Variants in ZNF516 observed in about 807,000 individuals in gnomAD.
ZNF516 encodes zinc finger protein 516.
ZNF516 carries 19 observed loss-of-function variants against 79.7 expected under a neutral mutation model. The ratio of observed to expected loss-of-function variants is 0.24; its 90% confidence interval spans 0.17 to 0.35. The LOEUF is 0.35. ZNF516 is among the 10% of genes least tolerant of loss of function. The pLI, the probability that ZNF516 is intolerant of heterozygous loss-of-function variation, is 1.00. For synonymous variants in ZNF516, 877 were observed against 739.5 expected, an observed-to-expected ratio of 1.19 and a Z score of -3.02; for missense variants, 1,678 against 1,679.5, an observed-to-expected ratio of 1.00 and a Z score of 0.02.
rs538476788 is a variant in ZNF516 at position 76,473,662 on chromosome 18, T to G, written c.-271-10521A>C. ...TAAAAATACAAAAAATTATCCAGGC[T>G]TGGTGGTGGGCGCCTGTAGTCCCAG... On this transcript the variant is annotated intron_variant, in intron 1 of 6. Transcript: ENST00000443185. 8.4e-3 allele frequency among the ~76,000 whole-genome samples: 1,271 copies of G among 151,822 alleles called. 8 individuals carry two copies. Among genetic ancestry groups the G allele is most frequent in the Middle Eastern group, 0.027 (8 of 294 alleles).
chr18:76,412,117 T>C (rs1295100831), intron 3 of ZNF516, among the ~76,000 whole-genome samples: 3 of 152,150 alleles, frequency 2.0e-5, no homozygotes, highest in Non-Finnish European at 4.4e-5. Flanking sequence ...TGGTAAATAG[T>C]GGCATTGTTG....
At chr18:76,490,744 T>G in intron 1 of ZNF516, 1 of 984,920 alleles carries the variant, frequency 1.0e-6, no homozygotes, top group Non-Finnish European at 1.2e-6. Context: ...GCTGTATGTG[T>G]AAGTAGGATC....
At chr18:76,471,865 C>T (rs1227794849) in intron 1 of ZNF516, among the ~76,000 whole-genome samples, 1 of 152,158 alleles carries the variant, frequency 6.6e-6, no homozygotes, top group Non-Finnish European at 1.5e-5. Flanking sequence ...AAACTGTCTA[C>T]CCTGGATGTC....
chr18:76,495,559 G>A (rs1245352027), upstream of ZNF516: 2 of 278,104 alleles, frequency 7.2e-6, no homozygotes, highest in Admixed American at 5.1e-5. Flanking sequence ...CAGTGACTCA[G>A]ACACAGCCAA....
Position 76,431,845 on chromosome 18 carries a change from T to C in ZNF516, c.1810+9400A>G, listed in dbSNP as rs1468723982. On this transcript the variant is annotated intron_variant, in intron 3 of 6. Transcript: ENST00000443185. ...CGTGGGCCAAAATCAATCTCTTTTC[T>C]TTATACATTGCCCAAGTCTCGGGTA... 2.0e-5 allele frequency among the ~76,000 whole-genome samples: 3 copies of C among 152,304 alleles called. No individual in the cohort carries two copies. The East Asian group carries it at 5.8e-4, about 29-fold the overall frequency.
intron 6 of ZNF516, among the ~76,000 whole-genome samples, chr18:76,363,470 A>G (rs1264783669): frequency 2.6e-5 from 4 of 152,216 alleles, no homozygotes; most frequent in Non-Finnish European, 2.9e-5. Flanking sequence ...TCCTACTTAC[A>G]GCTGGCTCTG....
At chr18:76,477,199 G>GT (rs1237907151) in intron 1 of ZNF516, among the ~76,000 whole-genome samples, 1 of 152,124 alleles carries the variant, frequency 6.6e-6, no homozygotes, top group African/African-American at 2.4e-5. Context: ...CAAAAGTCTG[G>GT]TAAGTTTTCT....
intron 3 of ZNF516, among the ~76,000 whole-genome samples, chr18:76,382,487 C>T (rs1317156999): frequency 6.6e-6 from 1 of 152,170 alleles, no homozygotes; most frequent in South Asian, 2.1e-4. Flanking sequence ...GCTGTGTCAT[C>T]GGCCCCTGTA....
At chr18:76,477,384 T>A (rs1914235096) in intron 1 of ZNF516, among the ~76,000 whole-genome samples, 1 of 151,920 alleles carries the variant, frequency 6.6e-6, no homozygotes, top group African/African-American at 2.4e-5. Context: ...TAAGCAGGAG[T>A]AACAGGTAAC....
In ZNF516 at chr18:76,366,412, A is replaced by G. The variant is rs140969121; in HGVS notation, c.3433-3855T>C. ...TGCAGCAAATGAGGTAACTATGCCT[A>G]TCTTGACAACACTTTTCTCAAACTC... On this transcript the variant is annotated intron_variant, in intron 6 of 6. Transcript: ENST00000443185. 5.0e-3 allele frequency among the ~76,000 whole-genome samples: 765 copies of G among 152,360 alleles called. 3 individuals are homozygous for G. The highest frequency in any genetic ancestry group is 0.017 in the African/African-American group (701 of 41,582).
chr18:76,461,996 G>A lies in ZNF516; in HGVS notation c.-158+1032C>T, dbSNP rs545878049. On this transcript the variant is annotated intron_variant, in intron 2 of 6. Transcript: ENST00000443185. ...TGTGGGGATGATCTTGCCCAAGCCC[G>A]GATATCAAGCGTGCGGGCCCTGGCT... Among the ~76,000 whole-genome samples, 32 of 152,340 alleles carry A rather than the reference G, an allele frequency of 2.1e-4. No homozygotes were observed. In the East Asian group the frequency reaches 4.0e-3, roughly 19 times the overall value.
intron 3 of ZNF516, among the ~76,000 whole-genome samples, chr18:76,440,060 G>A (rs1036815258): frequency 5.3e-5 from 8 of 152,298 alleles, no homozygotes; most frequent in Non-Finnish European, 8.8e-5. Context: ...GTTAAAATAC[G>A]CATTACTGAA....
chr18:76,401,374 T>A (rs2075218349), intron 3 of ZNF516, among the ~76,000 whole-genome samples: 2 of 152,190 alleles, frequency 1.3e-5, no homozygotes, highest in South Asian at 4.1e-4. Context: ...GTCATATTTC[T>A]ATTTTGAGAA....
chr18:76,370,648 C>T, intron 5 of ZNF516, 53 bp from the exon 6 acceptor site: 2 of 1,470,398 alleles, frequency 1.4e-6, no homozygotes, highest in South Asian at 2.6e-5. Flanking sequence ...TCCGGACGTG[C>T]ACATTAAATG....
At chr18:76,494,894 C>T (rs957955730) in intron 1 of ZNF516, among the ~76,000 whole-genome samples, 3 of 150,546 alleles carry the variant, frequency 2.0e-5, no homozygotes, top group African/African-American at 7.3e-5. Context: ...CGGGCGCTCG[C>T]CCCGCCGCCC....
chr18:76,361,950 TCTTA>T lies in ZNF516; in HGVS notation c.*544_*547del, dbSNP rs1263854984. The stretch of plus-strand genomic sequence containing the variant: ...ACCTGAACGTCACCTCCTTCCTCTC[TCTTA>T]TTTACTATTTTAAATACCCACTAAG... On this transcript the variant is annotated 3_prime_UTR_variant, in exon 7 of 7. Transcript: ENST00000443185. The T allele has an allele frequency of 1.3e-5, 2 of 152,316 alleles. No homozygotes were observed. The highest frequency in any genetic ancestry group is 4.8e-5 in the African/African-American group (2 of 41,408). 9.4% of individuals were successfully genotyped at this position (152,316 alleles called of 1,614,324 possible). A position where few individuals can be genotyped will look rare whatever the true frequency, so the allele number is the denominator to read the frequency against.
intron 3 of ZNF516, among the ~76,000 whole-genome samples, chr18:76,416,965 C>T (rs886910866): frequency 6.6e-6 from 1 of 152,122 alleles, no homozygotes; most frequent in Non-Finnish European, 1.5e-5. Context: ...TTTAGCTGTT[C>T]TCATGCCTGG....
intron 3 of ZNF516, among the ~76,000 whole-genome samples, chr18:76,433,649 T>C (rs611464): frequency 1 from 151,645 of 152,296 alleles, 75,503 homozygotes; most frequent in Non-Finnish European, 1. Flanking sequence ...AGAGCTGAAA[T>C]GCATATGGAG....
intron 2 of ZNF516, among the ~76,000 whole-genome samples, chr18:76,454,096 A>G (rs1056804518): frequency 1.3e-5 from 2 of 152,226 alleles, no homozygotes; most frequent in African/African-American, 4.8e-5. Flanking sequence ...ACTGTGCCCA[A>G]GAATACAAAG....
Sources: gnomAD v4.1 joint callset for allele counts (sites outside exome capture counted in the v4.1 genomes callset) on GRCh38, gnomAD v4.1.1 for gene constraint, MANE v1.5 for transcripts, NCBI Gene and HGNC (gene_info 2026-07-23, HGNC 2026-07-21) for gene names.